The following KCNK10 variants were observed in gnomAD, a reference collection of about 807,000 sequenced individuals.
KCNK10 encodes the protein potassium channel subfamily K member 10.
Under a neutral mutation model 47.7 loss-of-function variants are expected in KCNK10, and 25 were observed. That is an observed-to-expected ratio of 0.52 (90% CI 0.38 to 0.73). The LOEUF (loss-of-function observed/expected upper bound fraction) is 0.73, where lower values mean the gene tolerates loss of function less well. Among genes scored for constraint, KCNK10 ranks in the 30% least tolerant of loss-of-function variants. The pLI, the probability that KCNK10 is intolerant of heterozygous loss-of-function variation, is 0.00. For synonymous variants in KCNK10, 303 were observed against 285.6 expected (o/e 1.06, Z -0.61); for missense variants, 563 against 714.5 (o/e 0.79, Z 2.42).
chr14:88,310,245 G>GGTATATGATATACCACATC (rs1271544141), intron 1 of KCNK10, among the ~76,000 whole-genome samples: 1 of 13,682 alleles, frequency 7.3e-5, no homozygotes, highest in Non-Finnish European at 1.3e-4. Flanking sequence ...CCATATAAAT[G>GGTATATGATATACCACATC]ATATGCATTT....
upstream of KCNK10, among the ~76,000 whole-genome samples, chr14:88,324,796 C>T (rs755379731): frequency 6.6e-6 from 1 of 152,202 alleles, no homozygotes; most frequent in Non-Finnish European, 1.5e-5. Flanking sequence ...ATGTCAGCAG[C>T]ATCTTTCTCA....
chr14:88,240,699 G>T lies in KCNK10; in HGVS notation c.520+4C>A. 1 of 1,580,250 alleles carries T rather than the reference G, an allele frequency of 6.3e-7. No homozygotes were observed. The highest frequency in any genetic ancestry group is 8.7e-7 in the Non-Finnish European group (1 of 1,149,222). ...GGAAGAGATATTAGCAAACAAACGG[G>T]TACCTATGGTCGTAATGACAGTTCC... On this transcript the variant is annotated splice_donor_region_variant and intron_variant, in intron 3 of 6. Transcript: ENST00000319231.
chr14:88,222,839 C>G (rs1221845079), intron 4 of KCNK10, among the ~76,000 whole-genome samples: 2 of 152,142 alleles, frequency 1.3e-5, no homozygotes, highest in African/African-American at 4.8e-5. Flanking sequence ...GAAGAGCTAC[C>G]ATGCCAAGGA....
chr14:88,200,792 C>T (rs115180347), intron 4 of KCNK10, among the ~76,000 whole-genome samples: 2,788 of 152,236 alleles, frequency 0.018, 80 homozygotes, highest in African/African-American at 0.064. Context: ...CAAAATGGCC[C>T]CCAGTCTCAC....
chr14:88,301,388 C>T (rs540650819), intron 1 of KCNK10, among the ~76,000 whole-genome samples: 1 of 152,162 alleles, frequency 6.6e-6, no homozygotes, highest in East Asian at 1.9e-4. Context: ...TATCATTGTA[C>T]TGTTTTTAGT....
In KCNK10 at chr14:88,185,864, G is replaced by A. The variant is rs1284319875; in HGVS notation, c.1303C>T (p.Gln435Ter). 1 of 1,613,990 alleles carries A rather than the reference G, an allele frequency of 6.2e-7. No individual in the cohort carries two copies. Among genetic ancestry groups the A allele is most frequent in the Non-Finnish European group, 8.5e-7 (1 of 1,180,038 alleles). ...GCACCCTGCCCATGCTTGTTCAGCT[G>A]CTCCGGCCCCTTCAGGCGCAGGTTG... Reference protein sequence around the residue: ...PNNLRLKGPEQLNKHGQGASE... With the variant: ...PNNLRLKGPE Residue 435 changes from glutamine (Q) to a stop codon, truncating the protein, a stop_gained, in exon 7 of 7, where the codon CAG becomes TAG. Coordinates refer to ENST00000319231, the MANE Select transcript of KCNK10 (RefSeq NM_138317.3). LOFTEE classifies it high-confidence loss of function. This position sits in a 1 kb window ranked among gnomAD's most constrained non-coding sequence, Gnocchi z 4.3.
chr14:88,242,592 G>A (rs139477644), intron 2 of KCNK10, among the ~76,000 whole-genome samples: 3 of 152,230 alleles, frequency 2.0e-5, no homozygotes, highest in African/African-American at 7.2e-5. Flanking sequence ...GCAAAACCTG[G>A]CACCCTAGAA....
chr14:88,284,709 G>T (rs371626585), intron 1 of KCNK10, among the ~76,000 whole-genome samples: 1 of 152,068 alleles, frequency 6.6e-6, no homozygotes, highest in African/African-American at 2.4e-5. Flanking sequence ...CCAAGGGGAT[G>T]GTGCCCACCC....
intron 1 of KCNK10, among the ~76,000 whole-genome samples, chr14:88,317,314 G>T (rs1888448774): frequency 6.6e-6 from 1 of 152,204 alleles, no homozygotes; most frequent in African/African-American, 2.4e-5. Context: ...AACCTAGCAA[G>T]TTGAAAATGG....
At chr14:88,243,052 G>C (rs1886526906) in intron 2 of KCNK10, among the ~76,000 whole-genome samples, 1 of 152,116 alleles carries the variant, frequency 6.6e-6, no homozygotes, top group African/African-American at 2.4e-5. Flanking sequence ...AAAGACAATG[G>C]GGACGATGAT....
chr14:88,299,046 G>C (rs1888043643), intron 1 of KCNK10, among the ~76,000 whole-genome samples: 1 of 152,090 alleles, frequency 6.6e-6, no homozygotes, highest in Non-Finnish European at 1.5e-5. Context: ...CCCAAAGCTG[G>C]CTATAAACTC....
chr14:88,297,629 T>C (rs1453052050), intron 1 of KCNK10, among the ~76,000 whole-genome samples: 2 of 152,144 alleles, frequency 1.3e-5, no homozygotes, highest in African/African-American at 4.8e-5. Context: ...ACTTAACCAA[T>C]CCCAGTGATG....
At chr14:88,323,391 G>C (rs1595137828), upstream of KCNK10, 1 of 742,130 alleles carries the variant, frequency 1.3e-6, no homozygotes, top group East Asian at 1.3e-4. Flanking sequence ...ATGTAGGGGT[G>C]GCGCGGCGCC....
intron 4 of KCNK10, among the ~76,000 whole-genome samples, chr14:88,223,027 T>G (rs560686890): frequency 6.6e-6 from 1 of 152,172 alleles, no homozygotes; most frequent in African/African-American, 2.4e-5. Flanking sequence ...ATGGGGTTAC[T>G]TGTGCTTAAA....
chr14:88,205,738 T>A (rs988862486), intron 4 of KCNK10, among the ~76,000 whole-genome samples: 36 of 152,034 alleles, frequency 2.4e-4, no homozygotes, highest in African/African-American at 8.2e-4. Flanking sequence ...AAGATGGAGT[T>A]TCACTATGTT....
chr14:88,274,375 A>G (rs1887478584), intron 1 of KCNK10, among the ~76,000 whole-genome samples: 1 of 151,900 alleles, frequency 6.6e-6, no homozygotes, highest in Admixed American at 6.6e-5. Flanking sequence ...CAGCCTGGCC[A>G]ACATGCCAAA....
chr14:88,295,717 TG>T (rs1317134162), intron 1 of KCNK10, among the ~76,000 whole-genome samples: 2 of 151,298 alleles, frequency 1.3e-5, no homozygotes, highest in Non-Finnish European at 3.0e-5. Flanking sequence ...GAGATCTACA[TG>T]GGGTCAAAAT....
At chr14:88,262,380 C>T (rs1051627646) in intron 2 of KCNK10, among the ~76,000 whole-genome samples, 5 of 152,178 alleles carry the variant, frequency 3.3e-5, no homozygotes, top group Non-Finnish European at 5.9e-5. Context: ...CTTTCTTCCT[C>T]GTGGGAACTG....
chr14:88,226,293 C>T (rs150030125), intron 4 of KCNK10, among the ~76,000 whole-genome samples: 62 of 152,250 alleles, frequency 4.1e-4, no homozygotes, highest in African/African-American at 1.5e-3. Flanking sequence ...TTTTAAAAAG[C>T]CTCTGAAACT....
Sources: gnomAD v4.1 joint callset for allele counts (sites outside exome capture counted in the v4.1 genomes callset) on GRCh38, gnomAD v4.1.1 for gene constraint, Gnocchi (gnomAD v3.1) non-coding constraint, MANE v1.5 for transcripts, NCBI Gene and HGNC (gene_info 2026-07-23, HGNC 2026-07-21) for gene names.